The following PCDHGC3 variants were observed in gnomAD, a reference collection of about 807,000 sequenced individuals.
PCDHGC3 encodes the protein protocadherin gamma subfamily C, 3, also known as protocadherin gamma-C3.
Under a neutral mutation model 59.2 loss-of-function variants are expected in PCDHGC3, and 26 were observed. That is an observed-to-expected ratio of 0.44 (90% CI 0.32 to 0.61). The LOEUF (loss-of-function observed/expected upper bound fraction) is 0.61. PCDHGC3 is among the 20% of genes least tolerant of loss of function. The pLI, the probability that PCDHGC3 is intolerant of heterozygous loss-of-function variation, is 0.05. For missense variants in PCDHGC3, 1,080 were observed against 1,221.8 expected (o/e 0.88, Z 1.73); for synonymous variants, 487 against 519.7 (o/e 0.94, Z 0.86).
chr5:141,485,682 A>G lies in PCDHGC3; in HGVS notation c.2430+7136A>G, dbSNP rs779441999. Reference sequence around the variant, plus strand: ...GTGGGGAGCAATTCGATTAGCAGCTATAGGCTGAGCTCCAATGAACACTTT... The same window carrying G: ...GTGGGGAGCAATTCGATTAGCAGCTGTAGGCTGAGCTCCAATGAACACTTT... On this transcript the variant is annotated intron_variant, in intron 1 of 3. Coordinates refer to ENST00000308177, the MANE Select transcript of PCDHGC3 (RefSeq NM_002588.4). This position sits in a 1 kb window ranked among gnomAD's most constrained non-coding sequence, Gnocchi z 5.7. 6.2e-7 allele frequency: 1 copy of G among 1,614,076 alleles called. No homozygotes were observed. Among genetic ancestry groups the G allele is most frequent in the Non-Finnish European group, 8.5e-7 (1 of 1,179,964 alleles).
intron 2 of PCDHGC3, among the ~76,000 whole-genome samples, chr5:141,503,954 C>T (rs2099834393): frequency 6.6e-6 from 1 of 152,186 alleles, no homozygotes; most frequent in Non-Finnish European, 1.5e-5. Flanking sequence ...GCCTACCCTA[C>T]AGCCTTTCCC....
At chr5:141,496,329 C>T (rs1435070517) in intron 2 of PCDHGC3, among the ~76,000 whole-genome samples, 2 of 152,186 alleles carry the variant, frequency 1.3e-5, no homozygotes, top group South Asian at 4.1e-4. Context: ...AGTTAGAAGT[C>T]AGGAGCCTGG....
chr5:141,495,005 C>A, intron 2 of PCDHGC3, 140 bp downstream of exon 2: 1 of 1,522,810 alleles, frequency 6.6e-7, no homozygotes. Context: ...TCTTGGTGTG[C>A]GGGGGGCTGG....
chr5:141,481,724 C>T (rs1301509633), intron 1 of PCDHGC3, among the ~76,000 whole-genome samples: 2 of 151,882 alleles, frequency 1.3e-5, no homozygotes. Context: ...GAGGCGGAGG[C>T]GGGCGGATCA....
At position 141,486,047 on chromosome 5, in the gene PCDHGC3, C is replaced by G. The variant is rs763394605; in HGVS notation, c.2430+7501C>G. The G allele has an allele frequency of 3.1e-6, 5 of 1,614,172 alleles. No homozygotes were observed. The East Asian group carries it at 6.7e-5, about 22-fold the overall frequency. On this transcript the variant is annotated intron_variant, in intron 1 of 3. Transcript: ENST00000308177. This position sits in a 1 kb window ranked among gnomAD's most constrained non-coding sequence, Gnocchi z 5.0. ...TCATACCCCTGATCGTGTAAGAAAC[C>G]TCTTTAGCCTGCACCCCACTACTGG...
intron 3 of PCDHGC3, among the ~76,000 whole-genome samples, chr5:141,508,984 C>G (rs1039260828): frequency 4.7e-4 from 72 of 152,154 alleles, no homozygotes; most frequent in African/African-American, 1.7e-3. Context: ...GGGTGGGGGC[C>G]AGCTGGGGTA....
Position 141,485,369 on chromosome 5 carries a change from G to T in PCDHGC3, c.2430+6823G>T. On this transcript the variant is annotated intron_variant, in intron 1 of 3. Transcript: ENST00000308177. This position sits in a 1 kb window ranked among gnomAD's most constrained non-coding sequence, Gnocchi z 5.7. ...CAGTCTGTCAGCTCGCAGGCTGCAG[G>T]TCGCTGGAGAGGTGAACCAAAGACA... 1 of 1,614,154 alleles carries T rather than the reference G, an allele frequency of 6.2e-7. No individual in the cohort carries two copies. The highest frequency in any genetic ancestry group is 1.1e-5 in the South Asian group (1 of 91,088).
Position 141,489,160 on chromosome 5 carries a change from C to A in PCDHGC3, c.2431-5647C>A. 1 of 1,029,962 alleles carries A rather than the reference C, an allele frequency of 9.7e-7. No individual in the cohort carries two copies. The highest frequency in any genetic ancestry group is 1.4e-6 in the Non-Finnish European group (1 of 701,366). 63.8% of individuals were successfully genotyped at this position (1,029,962 alleles called of 1,614,324 possible). ...GGCTGGAAGGAGACATAAGAGACTT[C>A]AGCTGCTGCATTCCAAGCCCTGGGT... On this transcript the variant is annotated intron_variant, in intron 1 of 3. Coordinates refer to ENST00000308177, the MANE Select transcript of PCDHGC3 (RefSeq NM_002588.4). The surrounding 1 kb of genome is among the most constrained non-coding windows in gnomAD (Gnocchi z 4.5).
In PCDHGC3 at chr5:141,476,780, C is replaced by T. The variant is rs201463036; in HGVS notation, c.664C>T (p.Pro222Ser). Residue 222 changes from proline (P) to serine (S), a missense_variant, in exon 1 of 4, where the codon CCA (proline) becomes TCA (serine). By Grantham distance (74) the Pro-to-Ser change is moderately conservative. Transcript: ENST00000308177. This position sits in a 1 kb window ranked among gnomAD's most constrained non-coding sequence, Gnocchi z 7.6. ...GCTGACGGCGTTGGACGGAGGGACCCCAGCTCTCTCCGCCAGCCTGCCTAT... is the reference window on the plus strand; with the variant it reads ...GCTGACGGCGTTGGACGGAGGGACCTCAGCTCTCTCCGCCAGCCTGCCTAT... The part of the protein sequence containing the change: ...LVLTALDGGT[P>S]ALSASLPIHI... 234 of 1,613,464 alleles carry T rather than the reference C, an allele frequency of 1.5e-4. No individual in the cohort carries two copies. Among genetic ancestry groups the T allele is most frequent in the Non-Finnish European group, 1.9e-4 (227 of 1,180,026 alleles).
In PCDHGC3 at chr5:141,476,707, G is replaced by A. The variant is rs1309848893; in HGVS notation, c.591G>A (p.Val197=). 6.2e-7 allele frequency: 1 copy of A among 1,614,206 alleles called. No individual in the cohort carries two copies. The highest frequency in any genetic ancestry group is 1.7e-5 in the Admixed American group (1 of 60,032). Residue 197 remains valine (V), a synonymous_variant, in exon 1 of 4, where the codon GTG becomes GTA. Coordinates refer to ENST00000308177, the MANE Select transcript of PCDHGC3 (RefSeq NM_002588.4). This position sits in a 1 kb window ranked among gnomAD's most constrained non-coding sequence, Gnocchi z 7.6. ...ACAGCACCAAGTACGCGGAGCTGGT[G>A]TTGGAGCGCGCCCTGGACCGAGAAC... ...REDSTKYAEL[V]LERALDRERE...
In PCDHGC3 at chr5:141,487,765, GC is replaced by G. The variant is rs2099665397; in HGVS notation, c.2431-7041del. The G allele has an allele frequency of 6.5e-7, 1 of 1,541,774 alleles. No individual in the cohort carries two copies. Among genetic ancestry groups the G allele is most frequent in the South Asian group, 1.2e-5 (1 of 83,146 alleles). On this transcript the variant is annotated intron_variant, in intron 1 of 3. Transcript: ENST00000308177. This position sits in a 1 kb window ranked among gnomAD's most constrained non-coding sequence, Gnocchi z 5.0. ...GAGGTAACTATGTGGTAGACGCTGT[GC>G]TTTGTAACTGTTTCGTGAATTAACC...
chr5:141,510,949 G>C lies in PCDHGC3; in HGVS notation c.2581G>C (p.Ala861Pro), dbSNP rs762789865. The C allele has an allele frequency of 2.2e-5, 36 of 1,614,012 alleles. No homozygotes were observed. The highest frequency in any genetic ancestry group is 3.0e-5 in the Non-Finnish European group (35 of 1,180,020). ...CTGATCTTCCTCTGTCTCTGCAGAA[G>C]CTGCTGATGGGAGCTCCACCCTGGG... ...QAMILASASE[A>P]ADGSSTLGGG... is the part of the protein sequence containing the mutation. The change falls in exon 4 of 4, where the codon GCT (alanine) becomes CCT (proline). Residue 861 changes from alanine (A) to proline (P), a missense_variant and splice_region_variant. Coordinates refer to ENST00000308177, the MANE Select transcript of PCDHGC3 (RefSeq NM_002588.4).
chr5:141,512,656 C>G lies in PCDHGC3; in HGVS notation c.*1483C>G, dbSNP rs1262748947. ...CCCTTACAGTAGTGTAGCGCCCCCT[C>G]CCTCTTTCGGCTGGTGTAGAATAGC... On this transcript the variant is annotated 3_prime_UTR_variant, in exon 4 of 4. Coordinates refer to ENST00000308177, the MANE Select transcript of PCDHGC3 (RefSeq NM_002588.4). 1 of 152,508 alleles carries G rather than the reference C, an allele frequency of 6.6e-6. No homozygotes were observed. The highest frequency in any genetic ancestry group is 1.5e-5 in the Non-Finnish European group (1 of 68,228). The allele number at this position is 152,508 out of a possible 1,614,324, so 9.4% of individuals were successfully genotyped here.
chr5:141,483,573 G>A (rs2099583012), intron 1 of PCDHGC3, among the ~76,000 whole-genome samples: 1 of 152,072 alleles, frequency 6.6e-6, no homozygotes, highest in Non-Finnish European at 1.5e-5. Context: ...GTGAATTCTG[G>A]CATAAACACC....
intron 2 of PCDHGC3, among the ~76,000 whole-genome samples, chr5:141,501,290 TACACAC>T (rs55762287): frequency 0.081 from 10,957 of 136,038 alleles, 480 homozygotes; most frequent in African/African-American, 0.13. Context: ...TATTCCCTTA[TACACAC>T]ACACACACAC....
intron 1 of PCDHGC3, among the ~76,000 whole-genome samples, chr5:141,488,115 G>A (rs936010936): frequency 1.4e-4 from 21 of 152,298 alleles, no homozygotes; most frequent in Middle Eastern, 3.4e-3. Flanking sequence ...TTGAAACATA[G>A]AGACAGCAGA....
chr5:141,490,143 A>G lies in PCDHGC3; in HGVS notation c.2431-4664A>G. On this transcript the variant is annotated intron_variant, in intron 1 of 3. Transcript: ENST00000308177. The surrounding 1 kb of genome is among the most constrained non-coding windows in gnomAD (Gnocchi z 5.4). ...TTGGCCTAGACCCTAGCAGTGGGGC[A>G]ATCCATGTGTTGGGTCCCATAGACT... is the stretch of plus-strand genomic sequence containing the variant. 1 of 1,614,234 alleles carries G rather than the reference A, an allele frequency of 6.2e-7. No homozygotes were observed. The highest frequency in any genetic ancestry group is 8.5e-7 in the Non-Finnish European group (1 of 1,180,034).
chr5:141,489,470 T>C lies in PCDHGC3; in HGVS notation c.2431-5337T>C, dbSNP rs1030378524. 1 of 1,613,874 alleles carries C rather than the reference T, an allele frequency of 6.2e-7. No homozygotes were observed. The highest frequency in any genetic ancestry group is 8.5e-7 in the Non-Finnish European group (1 of 1,179,838). ...GAGGAGAATGGGCGCTATTTTTCCCTGAGCTTGATGAGTGGTGCCCTGGCA... is the reference window on the plus strand; with the variant it reads ...GAGGAGAATGGGCGCTATTTTTCCCCGAGCTTGATGAGTGGTGCCCTGGCA... On this transcript the variant is annotated intron_variant, in intron 1 of 3. Transcript: ENST00000308177. This position sits in a 1 kb window ranked among gnomAD's most constrained non-coding sequence, Gnocchi z 4.5.
At chr5:141,509,845 C>G (rs1021433327) in intron 3 of PCDHGC3, among the ~76,000 whole-genome samples, 1 of 152,190 alleles carries the variant, frequency 6.6e-6, no homozygotes, top group African/African-American at 2.4e-5. Context: ...CCCATTCACT[C>G]AGAACAGGGA....
Sources: allele counts gnomAD v4.1 joint callset (sites outside exome capture counted in the v4.1 genomes callset), GRCh38; gene constraint gnomAD v4.1.1; non-coding constraint Gnocchi (gnomAD v3.1); transcripts MANE v1.5; gene names NCBI Gene and HGNC (gene_info 2026-07-23, HGNC 2026-07-21).